The following DLG2 variants were observed in gnomAD, a reference collection of about 807,000 sequenced individuals.
DLG2 encodes the protein disks large homolog 2.
DLG2 carries 45 observed loss-of-function variants against 132.5 expected under a neutral mutation model. The ratio of observed to expected loss-of-function variants is 0.34; its 90% CI spans 0.27 to 0.44. The LOEUF is 0.44. Among genes scored for constraint, DLG2 ranks in the 20% least tolerant of loss-of-function variants. The probability of loss-of-function intolerance (pLI) is 1.00; values close to 1 mark genes in which losing one functional copy is unlikely to be tolerated. For missense variants in DLG2, 1,045 were observed against 1,196.9 expected, an observed-to-expected ratio of 0.87 and a Z score of 1.87; for synonymous variants, 424 against 419.6, an observed-to-expected ratio of 1.01 and a Z score of -0.13.
At chr11:83,961,969 C>T (rs1199781846) in intron 14 of DLG2, among the ~76,000 whole-genome samples, 1 of 152,006 alleles carries the variant, frequency 6.6e-6, no homozygotes, top group East Asian at 1.9e-4. Context: ...ATGGAAAATG[C>T]TTAATCATTT....
intron 18 of DLG2, chr11:83,648,006 TTTTA>T (rs2068783508): frequency 1.3e-5 from 2 of 152,144 alleles, no homozygotes; most frequent in Non-Finnish European, 2.9e-5. Flanking sequence ...TTTTTATACC[TTTTA>T]TTCAGTTTTT....
intron 3 of DLG2, among the ~76,000 whole-genome samples, chr11:85,495,029 C>A (rs1420986552): frequency 6.6e-6 from 1 of 151,896 alleles, no homozygotes. Flanking sequence ...CAATAGTGGT[C>A]AAGAGACTTA....
chr11:84,200,036 GACT>G (rs757836006), intron 8 of DLG2, among the ~76,000 whole-genome samples: 37 of 151,846 alleles, frequency 2.4e-4, no homozygotes, highest in Middle Eastern at 3.4e-3. Flanking sequence ...AAAATCCCAA[GACT>G]ACTAAGGAAT....
intron 12 of DLG2, among the ~76,000 whole-genome samples, chr11:83,971,679 G>A (rs528846534): frequency 1.2e-4 from 19 of 152,144 alleles, no homozygotes; most frequent in Non-Finnish European, 2.1e-4. Flanking sequence ...AGAATCATTG[G>A]TAAGAAAACT....
chr11:84,379,059 T>C (rs1444764833), intron 7 of DLG2, among the ~76,000 whole-genome samples: 1 of 151,978 alleles, frequency 6.6e-6, no homozygotes, highest in Non-Finnish European at 1.5e-5. Flanking sequence ...TTATTTCTTT[T>C]GAAACTCACC....
At chr11:85,415,468 T>A (rs1201652176) in intron 3 of DLG2, among the ~76,000 whole-genome samples, 1 of 152,204 alleles carries the variant, frequency 6.6e-6, no homozygotes, top group Non-Finnish European at 1.5e-5. Flanking sequence ...TAATTTACAC[T>A]CCCAACGACA....
intron 6 of DLG2, among the ~76,000 whole-genome samples, chr11:84,862,281 T>A (rs553044586): frequency 1.2e-4 from 18 of 152,120 alleles, no homozygotes; most frequent in Non-Finnish European, 1.5e-5. Flanking sequence ...TACCACCTCA[T>A]GCCAGTTAGA....
At chr11:84,149,833 C>T (rs551797230) in intron 9 of DLG2, among the ~76,000 whole-genome samples, 1 of 152,184 alleles carries the variant, frequency 6.6e-6, no homozygotes, top group South Asian at 2.1e-4. Context: ...TCTCGGCTCA[C>T]TGCAGCCTCC....
chr11:85,060,102 C>T lies in DLG2; in HGVS notation c.357+51559G>A, dbSNP rs958806120. Among the ~76,000 whole-genome samples, 6 of 151,362 alleles carry T rather than the reference C, an allele frequency of 4.0e-5. 1 individual carries two copies. The highest frequency in any genetic ancestry group is 1.5e-4 in the African/African-American group (6 of 41,312). On this transcript the variant is annotated intron_variant, in intron 6 of 27. Transcript: ENST00000376104. ...CATTAAAGAAAAACTCACCATTTCC[C>T]TCTCTCTCCAGCCCCTGGCAACCAC...
At chr11:85,168,221 T>G (rs2078599662) in intron 4 of DLG2, among the ~76,000 whole-genome samples, 1 of 152,110 alleles carries the variant, frequency 6.6e-6, no homozygotes, top group African/African-American at 2.4e-5. Context: ...AACAAATATA[T>G]ACAAAAGTCA....
chr11:84,653,645 T>C (rs1175761252), intron 6 of DLG2, among the ~76,000 whole-genome samples: 2 of 152,220 alleles, frequency 1.3e-5, no homozygotes, highest in East Asian at 3.9e-4. Flanking sequence ...AGCAGACACA[T>C]TATGCATCAA....
chr11:85,210,511 G>T (rs1490369848), intron 4 of DLG2, among the ~76,000 whole-genome samples: 1 of 152,108 alleles, frequency 6.6e-6, no homozygotes, highest in African/African-American at 2.4e-5. Flanking sequence ...TAAAATGGCA[G>T]TCTCATTTTT....
intron 7 of DLG2, among the ~76,000 whole-genome samples, chr11:84,288,645 T>C (rs2097942529): frequency 6.6e-6 from 1 of 152,014 alleles, no homozygotes; most frequent in South Asian, 2.1e-4. Flanking sequence ...CCAAATGAAA[T>C]TGCATAGAGA....
At chr11:85,602,884 C>G (rs2153234262) in intron 2 of DLG2, among the ~76,000 whole-genome samples, 1 of 152,324 alleles carries the variant, frequency 6.6e-6, no homozygotes, top group Middle Eastern at 3.4e-3. Flanking sequence ...TGCTCCTTCA[C>G]TTCTTTCATA....
At chr11:83,879,169 A>C (rs2065513281) in intron 15 of DLG2, among the ~76,000 whole-genome samples, 1 of 152,198 alleles carries the variant, frequency 6.6e-6, no homozygotes, top group Non-Finnish European at 1.5e-5. Flanking sequence ...GGTGGTAACA[A>C]ATGGCTTTTA....
intron 6 of DLG2, among the ~76,000 whole-genome samples, chr11:84,852,945 C>G (rs953328316): frequency 1.2e-4 from 18 of 151,968 alleles, no homozygotes; most frequent in African/African-American, 4.3e-4. Context: ...GCTAAACTTA[C>G]TTTTTAATTG....
chr11:85,134,100 A>C (rs534134167), intron 5 of DLG2, among the ~76,000 whole-genome samples: 2 of 152,142 alleles, frequency 1.3e-5, no homozygotes, highest in South Asian at 4.2e-4. Flanking sequence ...CTGACCAATA[A>C]AAATCGAAAA....
intron 3 of DLG2, among the ~76,000 whole-genome samples, chr11:85,358,966 T>C (rs1344252875): frequency 1.3e-5 from 2 of 152,188 alleles, no homozygotes; most frequent in Non-Finnish European, 2.9e-5. Context: ...TACTCTGCGC[T>C]TTATCTAAAT....
At chr11:84,284,067 C>T (rs989459769) in intron 7 of DLG2, among the ~76,000 whole-genome samples, 1 of 152,124 alleles carries the variant, frequency 6.6e-6, no homozygotes, top group Non-Finnish European at 1.5e-5. Flanking sequence ...AACCTGGTCT[C>T]TACTAAAAAT....
Sources: gnomAD v4.1 joint callset for allele counts (sites outside exome capture counted in the v4.1 genomes callset) on GRCh38, gnomAD v4.1.1 for gene constraint, MANE v1.5 for transcripts, NCBI Gene and HGNC (gene_info 2026-07-23, HGNC 2026-07-21) for gene names.